The following DGKE variants were observed in gnomAD, a reference collection of about 807,000 sequenced individuals.
DGKE encodes DAG kinase epsilon.
In DGKE, 53 loss-of-function variants were observed where a neutral mutation model predicts 70.0. That is an observed-to-expected ratio of 0.76 (90% CI 0.61 to 0.95). The LOEUF is 0.95. DGKE is among the 40% of genes least tolerant of loss of function. DGKE has a pLI of 0.00. For synonymous variants in DGKE, 291 were observed against 257.0 expected (o/e 1.13, Z -1.27); for missense variants, 655 against 706.9 (o/e 0.93, Z 0.83).
intron 2 of DGKE, among the ~76,000 whole-genome samples, chr17:56,839,138 G>A (rs192840217): frequency 1.2e-4 from 18 of 152,212 alleles, no homozygotes; most frequent in Admixed American, 1.0e-3. Flanking sequence ...ATTGAAGGGT[G>A]AGATCTCATA....
chr17:56,858,726 T>A, intron 9 of DGKE, 61 bp downstream of exon 9: 1 of 1,244,024 alleles, frequency 8.0e-7, no homozygotes, highest in Non-Finnish European at 1.1e-6. Flanking sequence ...TATGAAGACT[T>A]TTTAAACAGA....
intron 7 of DGKE, among the ~76,000 whole-genome samples, chr17:56,850,931 C>G (rs1252123502): frequency 6.6e-6 from 1 of 151,994 alleles, no homozygotes; most frequent in Non-Finnish European, 1.5e-5. Flanking sequence ...TCTGCCCTAG[C>G]TGAGAAGATT....
At chr17:56,851,418 A>G (rs1349784141) in intron 7 of DGKE, among the ~76,000 whole-genome samples, 1 of 152,232 alleles carries the variant, frequency 6.6e-6, no homozygotes, top group Non-Finnish European at 1.5e-5. Flanking sequence ...ACTCAACTTC[A>G]AGAATAGTGG....
chr17:56,837,002 T>C (rs1906667420), intron 2 of DGKE, among the ~76,000 whole-genome samples: 1 of 152,172 alleles, frequency 6.6e-6, no homozygotes, highest in Non-Finnish European at 1.5e-5. Flanking sequence ...CCTCCCCCAG[T>C]TTTTCCTTTT....
chr17:56,860,318 G>A (rs1201848246), intron 9 of DGKE, among the ~76,000 whole-genome samples: 3 of 152,130 alleles, frequency 2.0e-5, no homozygotes, highest in African/African-American at 2.4e-5. Flanking sequence ...TGGGAGGATT[G>A]CTTGAGGCAA....
chr17:56,852,461 T>C (rs1381053725), intron 7 of DGKE, among the ~76,000 whole-genome samples: 1 of 151,112 alleles, frequency 6.6e-6, no homozygotes, highest in Non-Finnish European at 1.5e-5. Flanking sequence ...TATTTAGAAA[T>C]ATAGAGATAA....
chr17:56,838,799 T>C (rs2144200785), intron 2 of DGKE: 1 of 152,330 alleles, frequency 6.6e-6, no homozygotes, highest in East Asian at 1.9e-4. Flanking sequence ...AGGGTTTTAG[T>C]TACGTATGTT....
At chr17:56,839,636 A>C (rs919637744) in intron 2 of DGKE, among the ~76,000 whole-genome samples, 1 of 152,178 alleles carries the variant, frequency 6.6e-6, no homozygotes, top group Non-Finnish European at 1.5e-5. Flanking sequence ...CTCCCACCTC[A>C]GCCTTCCAAG....
chr17:56,857,980 G>A (rs1285895708), intron 8 of DGKE, among the ~76,000 whole-genome samples: 1 of 151,302 alleles, frequency 6.6e-6, no homozygotes, highest in Non-Finnish European at 1.5e-5. Context: ...GACTGAGTCA[G>A]GAGAATCACT....
chr17:56,855,584 A>T (rs1055580942), intron 7 of DGKE, among the ~76,000 whole-genome samples: 2 of 152,210 alleles, frequency 1.3e-5, no homozygotes, highest in African/African-American at 4.8e-5. Flanking sequence ...ACTGTGTCCT[A>T]TTAGCGATTG....
intron 11 of DGKE, 73 bp from the exon 12 acceptor site, chr17:56,862,539 T>C: frequency 1.5e-6 from 2 of 1,295,568 alleles, no homozygotes; most frequent in Non-Finnish European, 2.1e-6. Context: ...GGATTGTGGA[T>C]GGTATTATTA....
chr17:56,860,442 T>C (rs1908224835), intron 9 of DGKE, among the ~76,000 whole-genome samples: 1 of 152,142 alleles, frequency 6.6e-6, no homozygotes, highest in South Asian at 2.1e-4. Flanking sequence ...GGGAGGCAGA[T>C]CACTTGAACC....
intron 2 of DGKE, among the ~76,000 whole-genome samples, chr17:56,840,127 G>T (rs903272601): frequency 1.3e-5 from 2 of 152,094 alleles, no homozygotes; most frequent in Non-Finnish European, 2.9e-5. Context: ...TCGCGCCATT[G>T]CACTCCAGTC....
Position 56,860,775 on chromosome 17 carries a change from C to T in DGKE, c.1285-1016C>T, listed in dbSNP as rs540726779. 7.9e-5 allele frequency among the ~76,000 whole-genome samples: 12 copies of T among 151,612 alleles called. No homozygotes were observed. In the East Asian group the frequency reaches 2.2e-3, roughly 27 times the overall value. The stretch of plus-strand genomic sequence containing the variant: ...TGCTGTAGGCTAAAAACAGCATCTG[C>T]AAAAGACCCAGAGGCATACATGGCA... On this transcript the variant is annotated intron_variant, in intron 9 of 11. Transcript: ENST00000284061.
At chr17:56,840,824 G>A (rs2144209882) in intron 2 of DGKE, among the ~76,000 whole-genome samples, 1 of 152,284 alleles carries the variant, frequency 6.6e-6, no homozygotes, top group South Asian at 2.1e-4. Flanking sequence ...ATATCTAGGA[G>A]ATGGTAAAAG....
At chr17:56,862,090 C>T (rs775222131) in intron 10 of DGKE, 50 bp from the exon 11 acceptor site, 1 of 1,594,640 alleles carries the variant, frequency 6.3e-7, no homozygotes. Flanking sequence ...TCTAGCATAA[C>T]TGATTTTTTA....
At chr17:56,846,873 A>G (rs1314314835) in intron 4 of DGKE, among the ~76,000 whole-genome samples, 1 of 152,220 alleles carries the variant, frequency 6.6e-6, no homozygotes, top group Non-Finnish European at 1.5e-5. Context: ...GTACTATAAC[A>G]ATAATCTAGA....
rs571286807 is a variant in DGKE at position 56,866,952 on chromosome 17, G to A, written c.*4161G>A. On this transcript the variant is annotated 3_prime_UTR_variant, in exon 12 of 12. Transcript: ENST00000284061. The stretch of plus-strand genomic sequence containing the variant: ...TGGACAGAATATTTTGGAGGTCTCC[G>A]TCGCTGTTTAGAATGTGGCCACTTG... 6.6e-6 allele frequency: 1 copy of A among 152,258 alleles called. No homozygotes were observed. Among genetic ancestry groups the A allele is most frequent in the Admixed American group, 6.5e-5 (1 of 15,294 alleles). The allele number at this position is 152,258 out of a possible 1,614,324, so 9.4% of individuals were successfully genotyped here. A position where few individuals can be genotyped will look rare whatever the true frequency, so the allele number is the denominator to read the frequency against.
chr17:56,845,912 T>G, intron 4 of DGKE, 103 bp downstream of exon 4: 1 of 1,190,136 alleles, frequency 8.4e-7, no homozygotes, highest in Non-Finnish European at 1.1e-6. Context: ...TAGGAAAGAA[T>G]AATAATTACA....
Sources: gnomAD v4.1 joint callset for allele counts (sites outside exome capture counted in the v4.1 genomes callset) on GRCh38, gnomAD v4.1.1 for gene constraint, MANE v1.5 for transcripts, NCBI Gene and HGNC (gene_info 2026-07-23, HGNC 2026-07-21) for gene names.